RBFOX1: variants seen among roughly 807,000 people sequenced by gnomAD.
RBFOX1 encodes RNA binding fox-1 homolog 1.
A neutral mutation model predicts 57.7 loss-of-function variants in RBFOX1; 8 were observed. The observed-to-expected ratio is 0.14, with a 90% confidence interval of 0.08 to 0.25. RBFOX1 has a LOEUF of 0.25. Among genes scored for constraint, RBFOX1 ranks in the 10% least tolerant of loss-of-function variants. RBFOX1 has a pLI of 1.00. For missense variants in RBFOX1, 611 were observed against 548.5 expected, an observed-to-expected ratio of 1.11 and a Z score of -1.14; for synonymous variants, 326 against 222.4, an observed-to-expected ratio of 1.47 and a Z score of -4.15.
chr16:6,504,123 C>G (rs1010203035), intron 2 of RBFOX1, among the ~76,000 whole-genome samples: 1 of 152,104 alleles, frequency 6.6e-6, no homozygotes, highest in Non-Finnish European at 1.5e-5. Context: ...GTAAGGTAGT[C>G]AGTAGTCATA....
Position 6,505,964 on chromosome 16 carries a change from A to T in RBFOX1, c.-63-148639A>T, listed in dbSNP as rs934456903. Among the ~76,000 whole-genome samples the T allele has an allele frequency of 7.9e-5, 12 of 152,164 alleles. 1 individual carries two copies. The highest frequency in any genetic ancestry group is 1.3e-4 in the Non-Finnish European group (9 of 68,028). ...AGAGGAGGTTAGTGACATGGGTGGA[A>T]GAGGAAATCACATCATCACAATAGC... On this transcript the variant is annotated intron_variant, in intron 2 of 15. Transcript: ENST00000550418.
At chr16:5,938,340 G>A (rs747736472) in intron 4 of RBFOX1, among the ~76,000 whole-genome samples, 3 of 152,146 alleles carry the variant, frequency 2.0e-5, no homozygotes, top group Admixed American at 6.5e-5. Flanking sequence ...ACTGATCGTT[G>A]CTGATGGAAT....
intron 4 of RBFOX1, among the ~76,000 whole-genome samples, chr16:7,232,089 A>G (rs952602800): frequency 3.9e-5 from 6 of 152,060 alleles, no homozygotes; most frequent in Non-Finnish European, 8.8e-5. Flanking sequence ...GCAGTGGCAC[A>G]ATCGGCTCAC....
intron 4 of RBFOX1, among the ~76,000 whole-genome samples, chr16:7,325,241 C>G (rs558262219): frequency 1.3e-3 from 205 of 152,278 alleles, no homozygotes; most frequent in African/African-American, 4.6e-3. Flanking sequence ...AATCTCTGGA[C>G]CACTCCATGT....
intron 3 of RBFOX1, among the ~76,000 whole-genome samples, chr16:5,797,728 A>AT (rs1299296403): frequency 1.3e-5 from 2 of 152,356 alleles, no homozygotes; most frequent in Admixed American, 6.5e-5. Flanking sequence ...AGGAAAATTA[A>AT]TAGACCATTT....
At chr16:6,467,515 A>C (rs1054390919) in intron 2 of RBFOX1, among the ~76,000 whole-genome samples, 13 of 152,172 alleles carry the variant, frequency 8.5e-5, no homozygotes, top group Admixed American at 2.6e-4. Flanking sequence ...GAAGTATACT[A>C]TGCTGAGACA....
intron 3 of RBFOX1, among the ~76,000 whole-genome samples, chr16:6,734,410 G>A (rs1330989938): frequency 6.6e-6 from 1 of 152,176 alleles, no homozygotes; most frequent in Non-Finnish European, 1.5e-5. Flanking sequence ...TGACAATTAT[G>A]TAGCCATTTC....
intron 3 of RBFOX1, among the ~76,000 whole-genome samples, chr16:6,822,234 A>C (rs1222063282): frequency 6.6e-6 from 1 of 152,146 alleles, no homozygotes. Flanking sequence ...GGTATGGCAG[A>C]TTTCCCTTGA....
intron 3 of RBFOX1, among the ~76,000 whole-genome samples, chr16:6,823,606 A>T (rs1275199087): frequency 3.9e-5 from 6 of 152,080 alleles, no homozygotes; most frequent in African/African-American, 1.4e-4. Context: ...CCTTCCTTGA[A>T]TATTCCACCA....
At chr16:7,049,969 C>A (rs2049422152) in intron 3 of RBFOX1, among the ~76,000 whole-genome samples, 1 of 152,172 alleles carries the variant, frequency 6.6e-6, no homozygotes, top group African/African-American at 2.4e-5. Context: ...ATTTTATTCA[C>A]CCCAAATAGA....
In RBFOX1 at chr16:5,508,709, T is replaced by A. The variant is rs540912126; in HGVS notation, c.258+41455T>A. Among the ~76,000 whole-genome samples, 133 of 152,072 alleles carry A rather than the reference T, an allele frequency of 8.7e-4. 1 individual carries two copies. In the Middle Eastern group the frequency reaches 0.017, roughly 19 times the overall value. ...CACAGAGCGATTGCACAGAGTGCCA[T>A]ACCCAAGGTGGGGCGGGGGAGATTG... On this transcript the variant is annotated intron_variant, in intron 2 of 2. Transcript: ENST00000585867.
At chr16:6,849,870 C>G (rs919589772) in intron 3 of RBFOX1, among the ~76,000 whole-genome samples, 1 of 152,138 alleles carries the variant, frequency 6.6e-6, no homozygotes, top group African/African-American at 2.4e-5. Flanking sequence ...TACCCTGCCA[C>G]TTAACTCTCC....
intron 3 of RBFOX1, among the ~76,000 whole-genome samples, chr16:6,813,712 A>C (rs901130792): frequency 6.6e-6 from 1 of 152,112 alleles, no homozygotes; most frequent in Non-Finnish European, 1.5e-5. Flanking sequence ...CACCCTATCA[A>C]AATCTTCTCC....
chr16:5,535,013 T>A (rs563534597), intron 2 of RBFOX1, among the ~76,000 whole-genome samples: 1 of 152,252 alleles, frequency 6.6e-6, no homozygotes, highest in African/African-American at 2.4e-5. Flanking sequence ...GAAATCACAA[T>A]GAATAAAACA....
chr16:6,460,129 T>G (rs1432612882), intron 2 of RBFOX1, among the ~76,000 whole-genome samples: 1 of 150,772 alleles, frequency 6.6e-6, no homozygotes, highest in Non-Finnish European at 1.5e-5. Context: ...CTTGGCAGCT[T>G]AAGTAACAGA....
intron 1 of RBFOX1, among the ~76,000 whole-genome samples, chr16:5,324,420 G>A (rs1007351036): frequency 3.3e-5 from 5 of 152,048 alleles, no homozygotes; most frequent in South Asian, 2.1e-4. Context: ...CCAAGATCAC[G>A]ACACTGCACT....
chr16:7,685,744 T>C (rs17766895), intron 14 of RBFOX1, among the ~76,000 whole-genome samples: 51,374 of 151,970 alleles, frequency 0.34, 9,255 homozygotes, highest in Middle Eastern at 0.43. Context: ...CTAGGCAATC[T>C]CTAAGACACA....
intron 1 of RBFOX1, among the ~76,000 whole-genome samples, chr16:6,244,698 C>G (rs929444626): frequency 6.6e-6 from 1 of 152,042 alleles, no homozygotes; most frequent in Non-Finnish European, 1.5e-5. Flanking sequence ...TTAGTAGAGA[C>G]GGGATTTCAC....
intron 1 of RBFOX1, among the ~76,000 whole-genome samples, chr16:6,075,415 C>CA (rs1255695375): frequency 6.6e-6 from 1 of 152,086 alleles, no homozygotes; most frequent in African/African-American, 2.4e-5. Context: ...TAGCAGAGAA[C>CA]AATACAGAGA....
Sources: gnomAD v4.1 joint callset for allele counts (sites outside exome capture counted in the v4.1 genomes callset) on GRCh38, gnomAD v4.1.1 for gene constraint, MANE v1.5 for transcripts, NCBI Gene and HGNC (gene_info 2026-07-23, HGNC 2026-07-21) for gene names.